The following JAZF1 variants were observed in gnomAD, a reference collection of about 807,000 sequenced individuals.
The protein encoded by JAZF1 is JAZF zinc finger 1.
In JAZF1, 8 loss-of-function variants were observed where a neutral mutation model predicts 26.4. The observed-to-expected ratio is 0.30, with a 90% CI of 0.18 to 0.55. The LOEUF (loss-of-function observed/expected upper bound fraction) is 0.55. Among genes scored for constraint, JAZF1 ranks in the 20% least tolerant of loss-of-function variants. The pLI, the probability that JAZF1 is intolerant of heterozygous loss-of-function variation, is 0.94. For missense variants in JAZF1, 199 were observed against 322.0 expected (o/e 0.62, Z 2.92); for synonymous variants, 126 against 122.3 (o/e 1.03, Z -0.20).
chr7:27,839,136 AC>A (rs1279653106), intron 4 of JAZF1, among the ~76,000 whole-genome samples: 2 of 152,340 alleles, frequency 1.3e-5, no homozygotes, highest in Middle Eastern at 3.4e-3. Flanking sequence ...CCTCCCCTGC[AC>A]CCTGTGCCCA....
In JAZF1 at chr7:27,991,813, T is replaced by C; in HGVS notation, c.188+96A>G. 3 of 729,162 alleles carry C rather than the reference T, an allele frequency of 4.1e-6. No homozygotes were observed. The South Asian group carries it at 5.3e-5, about 13-fold the overall frequency. The allele number at this position is 729,162 out of a possible 1,614,324, so 45.2% of individuals were successfully genotyped here. On this transcript the variant is annotated intron_variant, in intron 2 of 4. Coordinates refer to ENST00000283928, the MANE Select transcript of JAZF1 (RefSeq NM_175061.4). Reference sequence around the variant, plus strand: ...TAGTTTCATGCAAATATTTTAAGACTGAAAACATTTTTCCACTCTGTTAAA... The same window carrying C: ...TAGTTTCATGCAAATATTTTAAGACCGAAAACATTTTTCCACTCTGTTAAA...
rs181805369 is a variant in JAZF1 at position 28,104,715 on chromosome 7, G to A, written c.115+75748C>T. ...GAATTCCTACAACATTAGGATTCTG[G>A]AACGTATTAGGTTCGCAGACCCACT... On this transcript the variant is annotated intron_variant, in intron 1 of 4. Transcript: ENST00000283928. 1.6e-3 allele frequency among the ~76,000 whole-genome samples: 241 copies of A among 152,218 alleles called. 1 individual carries two copies. The highest frequency in any genetic ancestry group is 5.6e-3 in the African/African-American group (233 of 41,520).
intron 2 of JAZF1, among the ~76,000 whole-genome samples, chr7:27,955,653 C>T (rs1785076194): frequency 6.6e-6 from 1 of 152,198 alleles, no homozygotes; most frequent in Non-Finnish European, 1.5e-5. Context: ...AGTCCCCAAA[C>T]CTGCTCAGCA....
At chr7:28,066,883 A>G (rs902086645) in intron 1 of JAZF1, among the ~76,000 whole-genome samples, 1 of 152,148 alleles carries the variant, frequency 6.6e-6, no homozygotes, top group Admixed American at 6.5e-5. Flanking sequence ...TTTTAAGAAA[A>G]GCTATCCAAA....
At chr7:27,862,771 T>C (rs1269089616) in intron 3 of JAZF1, among the ~76,000 whole-genome samples, 2 of 152,250 alleles carry the variant, frequency 1.3e-5, no homozygotes, top group African/African-American at 2.4e-5. Flanking sequence ...TTGTGGCTTA[T>C]GATTTTGAAA....
At chr7:27,890,405 G>C (rs989842317) in intron 3 of JAZF1, among the ~76,000 whole-genome samples, 2 of 152,190 alleles carry the variant, frequency 1.3e-5, no homozygotes, top group Non-Finnish European at 2.9e-5. Context: ...GTGTGAAAAT[G>C]AAAGTTACAG....
intron 1 of JAZF1, among the ~76,000 whole-genome samples, chr7:28,116,593 C>T (rs1456858793): frequency 2.7e-5 from 4 of 149,916 alleles, no homozygotes; most frequent in South Asian, 4.3e-4. Flanking sequence ...CAGGCACGTG[C>T]CACTACGCCC....
intron 1 of JAZF1, among the ~76,000 whole-genome samples, chr7:28,088,162 G>C (rs1036904326): frequency 2.0e-5 from 3 of 152,174 alleles, no homozygotes; most frequent in Admixed American, 2.0e-4. Flanking sequence ...TTAACACCAC[G>C]GGGCTACAAT....
intron 1 of JAZF1, among the ~76,000 whole-genome samples, chr7:28,083,088 C>T (rs1562581438): frequency 1.3e-5 from 2 of 152,196 alleles, no homozygotes; most frequent in Non-Finnish European, 2.9e-5. Flanking sequence ...CAAATCCCCT[C>T]TACCTGGCTG....
intron 1 of JAZF1, among the ~76,000 whole-genome samples, chr7:28,012,527 C>A (rs1371571816): frequency 6.6e-6 from 1 of 152,168 alleles, no homozygotes; most frequent in Non-Finnish European, 1.5e-5. Flanking sequence ...GATAGGTCAG[C>A]CAATTAAGGC....
intron 3 of JAZF1, among the ~76,000 whole-genome samples, chr7:27,866,994 T>G (rs543040872): frequency 6.6e-6 from 1 of 152,284 alleles, no homozygotes; most frequent in South Asian, 2.1e-4. Flanking sequence ...CGACATGACT[T>G]CTGAAGGCAG....
At chr7:28,032,026 C>T (rs564634691) in intron 1 of JAZF1, among the ~76,000 whole-genome samples, 1 of 152,298 alleles carries the variant, frequency 6.6e-6, no homozygotes, top group South Asian at 2.1e-4. Flanking sequence ...TTTGCTTTTC[C>T]AAGACACTTT....
At chr7:28,130,784 T>C (rs2893312) in intron 1 of JAZF1, among the ~76,000 whole-genome samples, 50,717 of 152,068 alleles carry the variant, frequency 0.33, 10,725 homozygotes, top group East Asian at 0.97. Context: ...GCTCGCTCAC[T>C]ATTCCTTAGT....
At chr7:27,962,304 G>A (rs10248014) in intron 2 of JAZF1, among the ~76,000 whole-genome samples, 143,792 of 152,304 alleles carry the variant, frequency 0.94, 67,994 homozygotes, top group East Asian at 1. Flanking sequence ...TTAAAAAAGG[G>A]TAAAAGTGAT....
At chr7:27,837,316 T>C (rs1054924138) in intron 4 of JAZF1, among the ~76,000 whole-genome samples, 1 of 152,222 alleles carries the variant, frequency 6.6e-6, no homozygotes, top group Admixed American at 6.5e-5. Context: ...CAGGCGAGCA[T>C]GAGCAGGGCA....
At chr7:28,039,152 C>T (rs988591153) in intron 1 of JAZF1, among the ~76,000 whole-genome samples, 3 of 152,148 alleles carry the variant, frequency 2.0e-5, no homozygotes, top group African/African-American at 4.8e-5. Flanking sequence ...TTTAAAGAGA[C>T]CTTGGAGACT....
chr7:27,854,782 C>T (rs1783212903), intron 3 of JAZF1, among the ~76,000 whole-genome samples: 2 of 152,098 alleles, frequency 1.3e-5, no homozygotes, highest in African/African-American at 4.8e-5. Flanking sequence ...CCTGACCTTT[C>T]TCTCTGTCTG....
intron 2 of JAZF1, among the ~76,000 whole-genome samples, chr7:27,935,553 G>A (rs1784753324): frequency 6.6e-6 from 1 of 152,130 alleles, no homozygotes; most frequent in East Asian, 1.9e-4. Flanking sequence ...GTGGGGAAAT[G>A]GGCAGTGACA....
At chr7:28,110,680 A>T (rs1427520249) in intron 1 of JAZF1, among the ~76,000 whole-genome samples, 1 of 152,114 alleles carries the variant, frequency 6.6e-6, no homozygotes, top group Non-Finnish European at 1.5e-5. Context: ...GTTTAAAAAC[A>T]AATAAGCAAA....
Sources: allele counts gnomAD v4.1 joint callset (sites outside exome capture counted in the v4.1 genomes callset), GRCh38; gene constraint gnomAD v4.1.1; transcripts MANE v1.5; gene names NCBI Gene and HGNC (gene_info 2026-07-23, HGNC 2026-07-21).